Variants in COLGALT2 observed in about 807,000 individuals in gnomAD.
COLGALT2 encodes collagen beta(1-O)galactosyltransferase 2.
In COLGALT2, 49 loss-of-function variants were observed where a neutral mutation model predicts 73.4. The observed-to-expected ratio is 0.67, with a 90% CI of 0.53 to 0.85. The LOEUF (loss-of-function observed/expected upper bound fraction) is 0.85. COLGALT2 is among the 40% of genes least tolerant of loss of function. The pLI is 0.00. For synonymous variants in COLGALT2, 295 were observed against 307.6 expected, an observed-to-expected ratio of 0.96 and a Z score of 0.43; for missense variants, 722 against 790.2, an observed-to-expected ratio of 0.91 and a Z score of 1.03.
rs776745242 is a variant in COLGALT2 at position 183,936,089 on chromosome 1, GA to G, written c.*2671del. ...TGCTGATGTCACGGTTGTCTGTCCA[GA>G]AGATCCCACGTTAGATCCCAAGAGA... On this transcript the variant is annotated 3_prime_UTR_variant, in exon 12 of 12. Coordinates refer to ENST00000361927, the MANE Select transcript of COLGALT2 (RefSeq NM_015101.4). 3.9e-5 allele frequency: 38 copies of G among 985,526 alleles called. No individual in the cohort carries two copies. The highest frequency in any genetic ancestry group is 6.1e-5 in the Admixed American group (1 of 16,270). The allele number at this position is 985,526 out of a possible 1,614,324, so 61.0% of individuals were successfully genotyped here.
At chr1:184,012,964 A>G (rs1395582015) in intron 1 of COLGALT2, among the ~76,000 whole-genome samples, 1 of 152,246 alleles carries the variant, frequency 6.6e-6, no homozygotes, top group Non-Finnish European at 1.5e-5. Context: ...GGCCCTCAAG[A>G]AGCTGAGCCT....
At chr1:184,033,040 C>T (rs913252747) in intron 1 of COLGALT2, among the ~76,000 whole-genome samples, 3 of 152,232 alleles carry the variant, frequency 2.0e-5, no homozygotes, top group South Asian at 2.1e-4. Context: ...TTTCAAAACT[C>T]TGCCAAACAA....
At chr1:183,995,586 G>A (rs984182737) in intron 1 of COLGALT2, among the ~76,000 whole-genome samples, 3 of 152,202 alleles carry the variant, frequency 2.0e-5, no homozygotes, top group African/African-American at 7.2e-5. Context: ...GCTAGCAAGC[G>A]CTCAAGGGCT....
intron 10 of COLGALT2, among the ~76,000 whole-genome samples, chr1:183,942,480 A>T (rs1670142290): frequency 1.3e-5 from 2 of 152,170 alleles, no homozygotes; most frequent in South Asian, 4.1e-4. Flanking sequence ...TTTTAATGTG[A>T]TTACTAGAAA....
chr1:184,031,007 GAAC>G (rs1649496189), intron 1 of COLGALT2, among the ~76,000 whole-genome samples: 2 of 152,240 alleles, frequency 1.3e-5, no homozygotes, highest in South Asian at 4.2e-4. Flanking sequence ...GTCATAACTG[GAAC>G]AACAGGATTG....
chr1:183,973,028 C>T lies in COLGALT2; in HGVS notation c.627+588G>A, dbSNP rs530117824. Among the ~76,000 whole-genome samples, 29 of 152,236 alleles carry T rather than the reference C, an allele frequency of 1.9e-4. 1 individual carries two copies. In the South Asian group the frequency reaches 6.0e-3, roughly 32 times the overall value. ...TGTACTGTTTGACTCAGTAATTCCA[C>T]TTCTAAAAAGCTATCCTAAGGATAT... On this transcript the variant is annotated intron_variant, in intron 4 of 11. Transcript: ENST00000361927.
chr1:183,971,414 C>T (rs1671033955), intron 4 of COLGALT2, among the ~76,000 whole-genome samples: 1 of 152,076 alleles, frequency 6.6e-6, no homozygotes, highest in African/African-American at 2.4e-5. Flanking sequence ...TGCTTTTAAG[C>T]CTGAAAGTAA....
At chr1:183,994,123 C>T (rs920647768) in intron 1 of COLGALT2, among the ~76,000 whole-genome samples, 1 of 140,314 alleles carries the variant, frequency 7.1e-6, no homozygotes, top group African/African-American at 2.6e-5. Flanking sequence ...ACTGCAAACT[C>T]CAGCTCCCGG....
chr1:183,940,844 G>C, intron 10 of COLGALT2, 57 bp from the exon 11 acceptor site: 3 of 1,431,034 alleles, frequency 2.1e-6, no homozygotes, highest in Non-Finnish European at 3.0e-6. Flanking sequence ...CCATGATAAG[G>C]ATGAAGCACA....
At chr1:184,033,224 G>A (rs1221802156) in intron 1 of COLGALT2, among the ~76,000 whole-genome samples, 1 of 152,168 alleles carries the variant, frequency 6.6e-6, no homozygotes. Context: ...CACTGTCATG[G>A]TACTTGGCCC....
downstream of COLGALT2, among the ~76,000 whole-genome samples, chr1:183,933,270 C>A (rs977537960): frequency 6.6e-6 from 1 of 152,176 alleles, no homozygotes; most frequent in Non-Finnish European, 1.5e-5. Context: ...TCTCCCCACT[C>A]CTTGCACTTC....
chr1:183,964,035 G>T lies in COLGALT2; in HGVS notation c.833-15C>A. Reference sequence around the variant, plus strand: ...CATCTGGATGCCTGAGGATCCAAGAGAGGGACAAAGCCAACAATCAGAAAA... The same window carrying T: ...CATCTGGATGCCTGAGGATCCAAGATAGGGACAAAGCCAACAATCAGAAAA... On this transcript the variant is annotated splice_polypyrimidine_tract_variant and intron_variant, in intron 5 of 11. Transcript: ENST00000361927. The T allele has an allele frequency of 1.9e-6, 3 of 1,612,356 alleles. No individual in the cohort carries two copies. The highest frequency in any genetic ancestry group is 1.7e-6 in the Non-Finnish European group (2 of 1,179,148).
At chr1:183,939,105 G>A in intron 11 of COLGALT2, 68 bp from the exon 12 acceptor site, 2 of 1,180,476 alleles carry the variant, frequency 1.7e-6, no homozygotes, top group Non-Finnish European at 2.5e-6. Flanking sequence ...GGGACAAAGA[G>A]TGAAGGAGGC....
intron 1 of COLGALT2, among the ~76,000 whole-genome samples, chr1:184,003,362 T>C (rs1327608176): frequency 8.1e-6 from 1 of 122,790 alleles, no homozygotes; most frequent in Non-Finnish European, 1.5e-5. Context: ...GAGGCTGCCA[T>C]GCTGTGAGGA....
Position 183,978,457 on chromosome 1 carries a change from T to C in COLGALT2, c.327A>G (p.Val109=), listed in dbSNP as rs1671265253. The part of the protein sequence containing the change: ...TEIFREWLKN[V]QRLYHYVEWR... Reference sequence around the variant, plus strand: ...ACTCCACATAGTGATAGAGTCTCTGTACATTTTTCAACCACTCCCTGAATA... The same window carrying C: ...ACTCCACATAGTGATAGAGTCTCTGCACATTTTTCAACCACTCCCTGAATA... Residue 109 remains valine, a synonymous_variant, in exon 2 of 12, where the codon GTA becomes GTG. Coordinates refer to ENST00000361927, the MANE Select transcript of COLGALT2 (RefSeq NM_015101.4). 1.2e-6 allele frequency: 2 copies of C among 1,612,992 alleles called. No homozygotes were observed. The highest frequency in any genetic ancestry group is 1.7e-6 in the Non-Finnish European group (2 of 1,179,172).
chr1:183,969,030 C>A (rs1447165202), intron 5 of COLGALT2, among the ~76,000 whole-genome samples: 1 of 152,072 alleles, frequency 6.6e-6, no homozygotes, highest in Admixed American at 6.5e-5. Flanking sequence ...AATATCACCA[C>A]CAGTCCCTCC....
rs186960394 is a variant in COLGALT2 at position 183,996,967 on chromosome 1, G to C, written c.264-18447C>G. On this transcript the variant is annotated intron_variant, in intron 1 of 11. Transcript: ENST00000361927. ...GGTATAGTGCCTGAGTCAGGAAGGG[G>C]GTCAATACACATGAGGTGAATGAGT... Among the ~76,000 whole-genome samples, 59 of 152,122 alleles carry C rather than the reference G, an allele frequency of 3.9e-4. 1 individual carries two copies. Among genetic ancestry groups the C allele is most frequent in the Middle Eastern group, 3.4e-3 (1 of 294 alleles).
At chr1:183,941,159 C>T (rs1670097320) in intron 10 of COLGALT2, among the ~76,000 whole-genome samples, 1 of 152,224 alleles carries the variant, frequency 6.6e-6, no homozygotes, top group Admixed American at 6.5e-5. Context: ...TGGGAGAATC[C>T]TGAGGCTGCT....
rs1464679206 is a variant in COLGALT2 at position 183,940,569 on chromosome 1, A to G, written c.1604+12T>C. On this transcript the variant is annotated intron_variant, in intron 11 of 11. Coordinates refer to ENST00000361927, the MANE Select transcript of COLGALT2 (RefSeq NM_015101.4). ...GTGCCCAAGGGAAGGCAGGCAGTTC[A>G]GGGAGACTCACACGGGATGCTTGTT... 1 of 1,613,346 alleles carries G rather than the reference A, an allele frequency of 6.2e-7. No individual in the cohort carries two copies. The highest frequency in any genetic ancestry group is 1.3e-5 in the African/African-American group (1 of 74,940).
Sources: allele counts gnomAD v4.1 joint callset (sites outside exome capture counted in the v4.1 genomes callset), GRCh38; gene constraint gnomAD v4.1.1; transcripts MANE v1.5; gene names NCBI Gene and HGNC (gene_info 2026-07-23, HGNC 2026-07-21).